The following BCO1 variants were observed in gnomAD, a reference collection of about 807,000 sequenced individuals.
BCO1 encodes beta,beta-carotene 15,15'-dioxygenase.
BCO1 carries 54 observed loss-of-function variants against 56.3 expected under a neutral mutation model. That is an observed-to-expected ratio of 0.96 (90% confidence interval 0.77 to 1.20). BCO1 has a LOEUF of 1.20. Among genes scored for constraint, BCO1 ranks in the 50% most tolerant of loss-of-function variants. The pLI is 0.00. For missense variants in BCO1, 801 were observed against 690.9 expected (o/e 1.16, Z -1.79); for synonymous variants, 318 against 266.1 (o/e 1.20, Z -1.90).
chr16:81,282,250 C>T (rs979473476), intron 8 of BCO1, among the ~76,000 whole-genome samples: 1 of 152,022 alleles, frequency 6.6e-6, no homozygotes, highest in South Asian at 2.1e-4. Context: ...TGGTGGTGCA[C>T]GCTTGTAATC....
intron 2 of BCO1, among the ~76,000 whole-genome samples, chr16:81,253,920 GC>G (rs1288176601): frequency 6.6e-6 from 1 of 152,092 alleles, no homozygotes; most frequent in Non-Finnish European, 1.5e-5. Context: ...CTGTAATTGC[GC>G]CACTGCCCTT....
Position 81,239,209 on chromosome 16 carries a change from G to T in BCO1, c.64+237G>T, listed in dbSNP as rs1283674200. ...TCTGTGTGTTTTTAGTAGAGACGGG[G>T]TTTCAGCATGTTGGCCAGGCTGGTC... On this transcript the variant is annotated intron_variant, in intron 1 of 10. Coordinates refer to ENST00000258168, the MANE Select transcript of BCO1 (RefSeq NM_017429.3). Among the ~76,000 whole-genome samples, 8 of 151,766 alleles carry T rather than the reference G, an allele frequency of 5.3e-5. No individual in the cohort carries two copies. In the East Asian group the frequency reaches 1.6e-3, roughly 29 times the overall value.
Position 81,270,395 on chromosome 16 carries a change from C to G in BCO1, c.1080C>G (p.Ala360=), listed in dbSNP as rs369557075. ...LTSVPTLRRF[A]VPLHVDKNAE... is the part of the protein sequence containing the mutation. ...CGGTCCCCACCCTCAGGAGGTTTGC[C>G]GTGCCCCTCCACGTGGACAAGGTAA... Residue 360 remains alanine (A), a synonymous_variant, in exon 7 of 11, where the codon GCC becomes GCG. Transcript: ENST00000258168. 4 of 1,613,880 alleles carry G rather than the reference C, an allele frequency of 2.5e-6. No individual in the cohort carries two copies. Among genetic ancestry groups the G allele is most frequent in the Non-Finnish European group, 3.4e-6 (4 of 1,179,994 alleles).
At chr16:81,278,708 T>G (rs1907697124) in intron 7 of BCO1, among the ~76,000 whole-genome samples, 1 of 152,170 alleles carries the variant, frequency 6.6e-6, no homozygotes, top group African/African-American at 2.4e-5. Flanking sequence ...AGAACCAGCC[T>G]CAGGGCCTTT....
chr16:81,240,040 C>A (rs1052632406), intron 1 of BCO1, among the ~76,000 whole-genome samples: 2 of 151,688 alleles, frequency 1.3e-5, no homozygotes, highest in African/African-American at 4.8e-5. Context: ...TTCAACTGAG[C>A]AATTGCCTTG....
intron 2 of BCO1, among the ~76,000 whole-genome samples, chr16:81,257,011 C>T (rs571036666): frequency 7.9e-5 from 12 of 152,300 alleles, no homozygotes; most frequent in Middle Eastern, 3.4e-3. Context: ...CCGAACTCAA[C>T]GCCTGCAAGA....
chr16:81,288,180 G>GT (rs1908288652), intron 10 of BCO1, among the ~76,000 whole-genome samples: 2 of 150,242 alleles, frequency 1.3e-5, no homozygotes, highest in South Asian at 4.2e-4. Flanking sequence ...ACCGCACAAA[G>GT]TCCATCTCCT....
intron 9 of BCO1, among the ~76,000 whole-genome samples, chr16:81,285,946 A>G (rs772263192): frequency 2.6e-5 from 4 of 152,182 alleles, no homozygotes; most frequent in Non-Finnish European, 5.9e-5. Context: ...GAGATTCCCA[A>G]TCCCTGACCT....
intron 2 of BCO1, among the ~76,000 whole-genome samples, chr16:81,252,605 A>G (rs960828372): frequency 1.4e-4 from 22 of 152,294 alleles, no homozygotes; most frequent in African/African-American, 5.1e-4. Flanking sequence ...CACCTTAGCC[A>G]ATGCCTTGTG....
At chr16:81,285,141 G>A (rs536919921) in intron 8 of BCO1, among the ~76,000 whole-genome samples, 1 of 152,230 alleles carries the variant, frequency 6.6e-6, no homozygotes, top group South Asian at 2.1e-4. Context: ...CGCCCAGCCA[G>A]CTTCCCATTT....
rs550970213 is a variant in BCO1, at chr16:81,258,856, CTGTT to C, written c.194-817_194-814del. ...TGTACAGGAAGCAAGCCACCAGCAT[CTGTT>C]TGGTTTCTGGCGAGGGCCTCAAAAA... On this transcript the variant is annotated intron_variant, in intron 2 of 10. Coordinates refer to ENST00000258168, the MANE Select transcript of BCO1 (RefSeq NM_017429.3). Among the ~76,000 whole-genome samples the C allele has an allele frequency of 9.4e-4, 143 of 152,286 alleles. 1 individual carries two copies. The highest frequency in any genetic ancestry group is 3.2e-3 in the African/African-American group (135 of 41,562).
chr16:81,280,324 G>GACACACACAC (rs10607036), intron 7 of BCO1, among the ~76,000 whole-genome samples: 5 of 113,392 alleles, frequency 4.4e-5, no homozygotes, highest in African/African-American at 1.2e-4. Context: ...CACACACACA[G>GACACACACAC]ACACACACAC....
intron 2 of BCO1, among the ~76,000 whole-genome samples, chr16:81,253,224 C>T (rs1380246314): frequency 6.6e-6 from 1 of 152,146 alleles, no homozygotes; most frequent in Non-Finnish European, 1.5e-5. Flanking sequence ...TGCCCAAGGT[C>T]ACCCAACCTG....
chr16:81,259,260 G>A (rs1022190464), intron 2 of BCO1, among the ~76,000 whole-genome samples: 1 of 152,136 alleles, frequency 6.6e-6, no homozygotes, highest in Non-Finnish European at 1.5e-5. Context: ...TTGGGAGGCT[G>A]AGGCGGGTGG....
intron 2 of BCO1, among the ~76,000 whole-genome samples, chr16:81,257,982 C>G (rs966920268): frequency 6.6e-6 from 1 of 151,822 alleles, no homozygotes; most frequent in African/African-American, 2.4e-5. Context: ...AGTGTAATCT[C>G]AAGAGAGAAG....
At chr16:81,247,435 G>A (rs1044231981) in intron 2 of BCO1, among the ~76,000 whole-genome samples, 2 of 152,180 alleles carry the variant, frequency 1.3e-5, no homozygotes, top group African/African-American at 4.8e-5. Context: ...GGCGGAGGCA[G>A]GAGTGTTGCT....
intron 2 of BCO1, among the ~76,000 whole-genome samples, chr16:81,259,397 G>A (rs1159019622): frequency 6.6e-6 from 1 of 152,160 alleles, no homozygotes; most frequent in Non-Finnish European, 1.5e-5. Context: ...AGGAGGCTGA[G>A]TCAGGAGAAT....
At chr16:81,244,802 C>T (rs1481602242) in intron 1 of BCO1, among the ~76,000 whole-genome samples, 3 of 150,718 alleles carry the variant, frequency 2.0e-5, no homozygotes, top group African/African-American at 7.4e-5. Context: ...TCACTGCAGC[C>T]TGGAGCTCCC....
chr16:81,245,261 T>A (rs553822389), intron 1 of BCO1, among the ~76,000 whole-genome samples: 19 of 152,316 alleles, frequency 1.2e-4, no homozygotes, highest in Admixed American at 1.3e-4. Context: ...AGTAGGCAGT[T>A]TGAGGACAGG....
Sources: gnomAD v4.1 joint callset for allele counts (sites outside exome capture counted in the v4.1 genomes callset) on GRCh38, gnomAD v4.1.1 for gene constraint, MANE v1.5 for transcripts, NCBI Gene and HGNC (gene_info 2026-07-23, HGNC 2026-07-21) for gene names.